Variants in SDK1 observed in about 807,000 individuals in gnomAD.
The protein encoded by SDK1 is sidekick cell adhesion molecule 1.
SDK1 carries 157 observed loss-of-function variants against 245.5 expected under a neutral mutation model. The ratio of observed to expected loss-of-function variants is 0.64; its 90% CI spans 0.56 to 0.73. The LOEUF (loss-of-function observed/expected upper bound fraction) is 0.73. Ranked by LOEUF, SDK1 falls within the 30% of genes least tolerant of loss-of-function variation. The probability of loss-of-function intolerance (pLI) is 0.00; values close to 1 mark genes in which losing one functional copy is unlikely to be tolerated. For missense variants in SDK1, 3,583 were observed against 3,002.3 expected (o/e 1.19, Z -4.52); for synonymous variants, 1,647 against 1,278.5 (o/e 1.29, Z -6.15).
intron 1 of SDK1, among the ~76,000 whole-genome samples, chr7:3,454,388 T>TGTGTGTG (rs1780609872): frequency 1.4e-5 from 2 of 141,686 alleles, no homozygotes; most frequent in Admixed American, 1.4e-4. Flanking sequence ...TCCCCAAGAT[T>TGTGTGTG]TGTGTGTGTG....
At chr7:3,692,463 C>G (rs1784462921) in intron 4 of SDK1, among the ~76,000 whole-genome samples, 2 of 152,024 alleles carry the variant, frequency 1.3e-5, no homozygotes, top group African/African-American at 4.8e-5. Flanking sequence ...GAGAGGATTT[C>G]TTATATTACA....
chr7:3,645,059 A>G (rs1039474227), intron 4 of SDK1, among the ~76,000 whole-genome samples: 11 of 152,160 alleles, frequency 7.2e-5, no homozygotes, highest in African/African-American at 2.7e-4. Context: ...GTATTAATCT[A>G]CCTGTTAACC....
chr7:4,161,993 T>C, intron 32 of SDK1, 137 bp downstream of exon 32: 2 of 686,148 alleles, frequency 2.9e-6, no homozygotes, highest in Non-Finnish European at 5.1e-6. Context: ...AGACACACCC[T>C]CAGACTCAAA....
chr7:4,049,156 A>G (rs969882821), intron 17 of SDK1, among the ~76,000 whole-genome samples, 192 bp from the exon 18 acceptor site: 5 of 152,238 alleles, frequency 3.3e-5, no homozygotes, highest in Non-Finnish European at 7.3e-5. Flanking sequence ...GCAAGAGAAA[A>G]TGAAAAATAG....
chr7:4,005,200 C>T (rs1177244485), intron 14 of SDK1, among the ~76,000 whole-genome samples: 1 of 151,642 alleles, frequency 6.6e-6, no homozygotes, highest in African/African-American at 2.4e-5. Context: ...TGCATGACAC[C>T]ACGCCTGGCT....
At position 4,236,977 on chromosome 7, in the gene SDK1, G is replaced by A. The variant is rs1786206668; in HGVS notation, c.5993-670G>A. Reference sequence around the variant, plus strand: ...GCTGGAGTGCAGTGCTGTGATCGTGGCTCACTACAGCCTCGACCTCCTGGG... The same window carrying A: ...GCTGGAGTGCAGTGCTGTGATCGTGACTCACTACAGCCTCGACCTCCTGGG... On this transcript the variant is annotated intron_variant, in intron 41 of 44. Coordinates refer to ENST00000404826, the MANE Select transcript of SDK1 (RefSeq NM_152744.4). Among the ~76,000 whole-genome samples, 4 of 152,094 alleles carry A rather than the reference G, an allele frequency of 2.6e-5. No individual in the cohort carries two copies. The South Asian group carries it at 8.3e-4, about 32-fold the overall frequency.
At chr7:3,699,385 A>G (rs1427394920) in intron 4 of SDK1, among the ~76,000 whole-genome samples, 1 of 152,142 alleles carries the variant, frequency 6.6e-6, no homozygotes, top group Non-Finnish European at 1.5e-5. Context: ...GGAAATAGAA[A>G]GAAAAAAGAG....
intron 1 of SDK1, among the ~76,000 whole-genome samples, chr7:3,552,580 C>T (rs573513512): frequency 2.0e-5 from 3 of 152,246 alleles, no homozygotes; most frequent in African/African-American, 4.8e-5. Context: ...TGCTGGACCA[C>T]GTTTTAGAGA....
rs9986852 is a variant in SDK1, at chr7:3,937,953, T to G, written c.848-12970T>G. Among the ~76,000 whole-genome samples, 1,468 of 152,248 alleles carry G rather than the reference T, an allele frequency of 9.6e-3. 30 individuals are homozygous for G. Among genetic ancestry groups the G allele is most frequent in the African/African-American group, 0.034 (1,396 of 41,556 alleles). On this transcript the variant is annotated intron_variant, in intron 5 of 44. Transcript: ENST00000404826. Reference sequence around the variant, plus strand: ...CCCATGTTCAAGCAGTTCTCCTGTCTCAGCCTTCTGAGTAACTGGGATTAC... The same window carrying G: ...CCCATGTTCAAGCAGTTCTCCTGTCGCAGCCTTCTGAGTAACTGGGATTAC...
chr7:3,587,537 A>T (rs1446001504), intron 1 of SDK1, among the ~76,000 whole-genome samples: 9 of 152,126 alleles, frequency 5.9e-5, no homozygotes, highest in Non-Finnish European at 1.5e-5. Context: ...GATGTCCCCG[A>T]CTGAGCTGTC....
intron 1 of SDK1, among the ~76,000 whole-genome samples, chr7:3,329,998 A>G (rs964452364): frequency 6.6e-6 from 1 of 152,222 alleles, no homozygotes; most frequent in Admixed American, 6.5e-5. Flanking sequence ...CCTGGAACCA[A>G]TCCGCTATGG....
intron 19 of SDK1, among the ~76,000 whole-genome samples, chr7:4,066,089 G>C (rs7801852): frequency 6.6e-6 from 1 of 151,976 alleles, no homozygotes; most frequent in African/African-American, 2.4e-5. Flanking sequence ...GGTGTACTCA[G>C]CTGATACATA....
At chr7:3,459,182 T>C (rs375633941) in intron 1 of SDK1, among the ~76,000 whole-genome samples, 1 of 152,226 alleles carries the variant, frequency 6.6e-6, no homozygotes. Flanking sequence ...TATCTGAAAT[T>C]GCATGAGAAG....
intron 4 of SDK1, among the ~76,000 whole-genome samples, chr7:3,760,934 G>A (rs531602454): frequency 6.6e-6 from 1 of 152,182 alleles, no homozygotes; most frequent in Non-Finnish European, 1.5e-5. Flanking sequence ...ATCACAATTT[G>A]TTGAACTCTT....
At chr7:3,309,012 G>C (rs981313408) in intron 1 of SDK1, among the ~76,000 whole-genome samples, 3 of 152,048 alleles carry the variant, frequency 2.0e-5, no homozygotes, top group African/African-American at 7.2e-5. Flanking sequence ...AACCCAAGCA[G>C]GCTAATTAGA....
At chr7:3,684,717 A>G (rs897018276) in intron 4 of SDK1, among the ~76,000 whole-genome samples, 15 of 152,256 alleles carry the variant, frequency 9.9e-5, no homozygotes, top group Middle Eastern at 6.8e-3. Context: ...GCAGCTAGTC[A>G]TAAAAGTGCT....
intron 5 of SDK1, among the ~76,000 whole-genome samples, chr7:3,835,479 G>A (rs1420358931): frequency 6.6e-6 from 1 of 152,090 alleles, no homozygotes; most frequent in East Asian, 1.9e-4. Context: ...CTTTCACTTG[G>A]AAATTAAATT....
At chr7:3,920,436 C>T (rs926110063) in intron 5 of SDK1, among the ~76,000 whole-genome samples, 27 of 152,158 alleles carry the variant, frequency 1.8e-4, no homozygotes, top group African/African-American at 6.3e-4. Context: ...ATGACATGGT[C>T]ATCTACGGGG....
intron 44 of SDK1, among the ~76,000 whole-genome samples, chr7:4,261,715 G>A (rs142189919): frequency 2.0e-5 from 3 of 152,288 alleles, no homozygotes; most frequent in South Asian, 2.1e-4. Context: ...TTTCAAGGCC[G>A]CTCACTCTTT....
Sources: gnomAD v4.1 joint callset for allele counts (sites outside exome capture counted in the v4.1 genomes callset) on GRCh38, gnomAD v4.1.1 for gene constraint, MANE v1.5 for transcripts, NCBI Gene and HGNC (gene_info 2026-07-23, HGNC 2026-07-21) for gene names.